PPP2R2C: variants seen among roughly 807,000 people sequenced by gnomAD.
The protein encoded by PPP2R2C is protein phosphatase 2 regulatory subunit Bgamma, also known as protein phosphatase 2, regulatory subunit B, gamma.
PPP2R2C carries 10 observed loss-of-function variants against 45.3 expected under a neutral mutation model. The observed-to-expected ratio is 0.22, with a 90% CI of 0.14 to 0.37. The LOEUF (loss-of-function observed/expected upper bound fraction) is 0.37, where lower values mean the gene tolerates loss of function less well. Ranked by LOEUF, PPP2R2C falls within the 10% of genes least tolerant of loss-of-function variation. The probability of loss-of-function intolerance (pLI) is 1.00; values close to 1 mark genes in which losing one functional copy is unlikely to be tolerated. For missense variants in PPP2R2C, 308 were observed against 619.7 expected (o/e 0.50, Z 5.34); for synonymous variants, 257 against 245.4 (o/e 1.05, Z -0.44).
At chr4:6,488,819 C>T (rs1326217429) in intron 2 of PPP2R2C, among the ~76,000 whole-genome samples, 1 of 152,164 alleles carries the variant, frequency 6.6e-6, no homozygotes, top group Non-Finnish European at 1.5e-5. Flanking sequence ...GTTGTCTACC[C>T]AATTTCCTGT....
chr4:6,431,961 T>C (rs988294251), intron 1 of PPP2R2C, among the ~76,000 whole-genome samples: 14 of 152,174 alleles, frequency 9.2e-5, no homozygotes, highest in African/African-American at 3.4e-4. Flanking sequence ...AGTTCATAGA[T>C]GGCCATCTTC....
intron 1 of PPP2R2C, among the ~76,000 whole-genome samples, chr4:6,395,221 G>A (rs912708116): frequency 5.9e-5 from 9 of 152,152 alleles, no homozygotes; most frequent in South Asian, 4.2e-4. Context: ...TCACCCTCTC[G>A]CTCTCCACTC....
intron 5 of PPP2R2C, among the ~76,000 whole-genome samples, chr4:6,356,577 C>G (rs928581307): frequency 6.6e-6 from 1 of 152,214 alleles, no homozygotes. Context: ...GCCTCGGTTT[C>G]CCCAACTTCA....
intron 1 of PPP2R2C, among the ~76,000 whole-genome samples, chr4:6,546,437 A>G (rs1210830275): frequency 6.6e-6 from 1 of 152,182 alleles, no homozygotes; most frequent in Non-Finnish European, 1.5e-5. Context: ...TCCTCACAAT[A>G]ACTTCTTAAA....
chr4:6,557,630 G>A (rs1007248070), intron 1 of PPP2R2C, among the ~76,000 whole-genome samples: 1 of 152,176 alleles, frequency 6.6e-6, no homozygotes, highest in Non-Finnish European at 1.5e-5. Flanking sequence ...TCGGGAAAAA[G>A]GCTGCTGTGT....
At chr4:6,465,924 G>C (rs986760558) in intron 1 of PPP2R2C, among the ~76,000 whole-genome samples, 1 of 151,660 alleles carries the variant, frequency 6.6e-6, no homozygotes, top group Admixed American at 6.6e-5. Flanking sequence ...GGAGGAAAAG[G>C]AACTATAGGT....
chr4:6,341,219 A>G (rs186160314), intron 6 of PPP2R2C, among the ~76,000 whole-genome samples: 6 of 152,216 alleles, frequency 3.9e-5, no homozygotes, highest in African/African-American at 1.4e-4. Context: ...GGCACCTGCA[A>G]TCCCATCTAC....
intron 1 of PPP2R2C, among the ~76,000 whole-genome samples, chr4:6,394,055 GC>G (rs1319816961): frequency 6.6e-6 from 1 of 152,204 alleles, no homozygotes; most frequent in Non-Finnish European, 1.5e-5. Flanking sequence ...GCTCCGGAAA[GC>G]CCCACCCCCA....
intron 1 of PPP2R2C, chr4:6,382,458 C>G (rs776299978): frequency 1.5e-6 from 2 of 1,352,108 alleles, no homozygotes; most frequent in East Asian, 9.1e-5. Flanking sequence ...GATGACCAAA[C>G]TCCTGAGCCA....
At chr4:6,547,516 T>C (rs1725026384) in intron 1 of PPP2R2C, among the ~76,000 whole-genome samples, 1 of 152,000 alleles carries the variant, frequency 6.6e-6, no homozygotes, top group African/African-American at 2.4e-5. Flanking sequence ...ACCTCACCAA[T>C]AACCAAGCAT....
chr4:6,459,595 T>G (rs114814098), intron 1 of PPP2R2C, among the ~76,000 whole-genome samples: 379 of 152,236 alleles, frequency 2.5e-3, no homozygotes, highest in African/African-American at 9.0e-3. Flanking sequence ...ATTGAATATA[T>G]GCCATGGTCA....
At chr4:6,326,703 A>C (rs553460833) in intron 8 of PPP2R2C, among the ~76,000 whole-genome samples, 94 of 152,342 alleles carry the variant, frequency 6.2e-4, no homozygotes, top group Non-Finnish European at 1.1e-3. Context: ...GGGCTTCCTC[A>C]AGCACACGGT....
At chr4:6,556,330 T>C (rs73796260) in intron 1 of PPP2R2C, among the ~76,000 whole-genome samples, 2,835 of 152,274 alleles carry the variant, frequency 0.019, 90 homozygotes, top group African/African-American at 0.065. Flanking sequence ...ACTCTCTCTG[T>C]CTGTCTGCTG....
At position 6,439,185 on chromosome 4, in the gene PPP2R2C, G is replaced by A. The variant is rs186666112; in HGVS notation, c.70+32975C>T. On this transcript the variant is annotated intron_variant, in intron 1 of 8. Transcript: ENST00000382599. ...TTGCAAAAGCAGTTCAAATACATTT[G>A]CTCTCCATTAACACTGCACATGCAA... Among the ~76,000 whole-genome samples, 5 of 152,310 alleles carry A rather than the reference G, an allele frequency of 3.3e-5. No homozygotes were observed. In the East Asian group the frequency reaches 9.6e-4, roughly 29 times the overall value.
In PPP2R2C at chr4:6,336,653, C is replaced by CTCCCTCCT. The variant is rs1560453114; in HGVS notation, c.791-2923_791-2922insAGGAGGGA. On this transcript the variant is annotated intron_variant, in intron 6 of 8. Coordinates refer to ENST00000382599, the MANE Select transcript of PPP2R2C (RefSeq NM_020416.4). ...CTTACTTCCCTCCCTCCCTCCCTCC[C>CTCCCTCCT]TCCCTCCCTCCCTGCTTCCATCCCT... Among the ~76,000 whole-genome samples, 12 of 13,612 alleles carry CTCCCTCCT rather than the reference C, an allele frequency of 8.8e-4. 3 individuals carry two copies. Among genetic ancestry groups the CTCCCTCCT allele is most frequent in the African/African-American group, 4.4e-3 (10 of 2,256 alleles). 8.9% of individuals were successfully genotyped at this position (13,612 alleles called of 152,430 possible).
rs7679988 is a variant in PPP2R2C, at chr4:6,351,665, G to A, written c.626-3655C>T. Among the ~76,000 whole-genome samples the A allele has an allele frequency of 9.3e-3, 1,417 of 152,302 alleles. 19 individuals carry two copies. The highest frequency in any genetic ancestry group is 0.032 in the African/African-American group (1,348 of 41,562). Reference sequence around the variant, plus strand: ...CTGCATCCACATCACCCTGCAGAAGGAGAAAAATCACTGTCACGGCCAATG... The same window carrying A: ...CTGCATCCACATCACCCTGCAGAAGAAGAAAAATCACTGTCACGGCCAATG... On this transcript the variant is annotated intron_variant, in intron 5 of 8. Coordinates refer to ENST00000382599, the MANE Select transcript of PPP2R2C (RefSeq NM_020416.4).
intron 1 of PPP2R2C, among the ~76,000 whole-genome samples, chr4:6,433,331 T>C (rs988631365): frequency 6.6e-6 from 1 of 152,244 alleles, no homozygotes; most frequent in Non-Finnish European, 1.5e-5. Flanking sequence ...CAAATGACTT[T>C]GCAAATGGTT....
In PPP2R2C at chr4:6,335,705, C is replaced by A. The variant is rs114079564; in HGVS notation, c.791-1974G>T. ...GGCTGCAGAGCCCAGGTGTCACCAT[C>A]CTGATCCCAGGCCACTGCATGCAGG... On this transcript the variant is annotated intron_variant, in intron 6 of 8. Coordinates refer to ENST00000382599, the MANE Select transcript of PPP2R2C (RefSeq NM_020416.4). Among the ~76,000 whole-genome samples, 595 of 152,056 alleles carry A rather than the reference C, an allele frequency of 3.9e-3. 5 individuals are homozygous for A. The highest frequency in any genetic ancestry group is 0.014 in the African/African-American group (560 of 41,478).
intron 1 of PPP2R2C, among the ~76,000 whole-genome samples, chr4:6,448,512 G>A (rs923069562): frequency 3.3e-5 from 5 of 152,054 alleles, no homozygotes; most frequent in Non-Finnish European, 5.9e-5. Flanking sequence ...AGGTCAGCCC[G>A]TCAAAACCAC....
Sources: gnomAD v4.1 joint callset for allele counts (sites outside exome capture counted in the v4.1 genomes callset) on GRCh38, gnomAD v4.1.1 for gene constraint, MANE v1.5 for transcripts, NCBI Gene and HGNC (gene_info 2026-07-23, HGNC 2026-07-21) for gene names.